The following ZBTB16 variants were observed in gnomAD, a reference collection of about 807,000 sequenced individuals.
ZBTB16 encodes the protein zinc finger and BTB domain-containing protein 16.
A neutral mutation model predicts 56.8 loss-of-function variants in ZBTB16; 8 were observed. The ratio of observed to expected loss-of-function variants is 0.14; its 90% confidence interval spans 0.08 to 0.25. ZBTB16 has a LOEUF of 0.25. Ranked by LOEUF, ZBTB16 falls within the 10% of genes least tolerant of loss-of-function variation. The pLI is 1.00. For synonymous variants in ZBTB16, 363 were observed against 368.5 expected (o/e 0.98, Z 0.17); for missense variants, 625 against 903.0 (o/e 0.69, Z 3.95).
intron 2 of ZBTB16, among the ~76,000 whole-genome samples, chr11:114,136,745 T>TTGAGAATA (rs1591703695): frequency 6.6e-6 from 1 of 152,288 alleles, no homozygotes; most frequent in East Asian, 1.9e-4. Flanking sequence ...GTCACAGAAC[T>TTGAGAATA]TGAGAATATT....
intron 2 of ZBTB16, among the ~76,000 whole-genome samples, chr11:114,120,837 G>A (rs1444151890): frequency 2.0e-5 from 3 of 152,170 alleles, no homozygotes; most frequent in African/African-American, 4.8e-5. Context: ...GTAGAAGAAA[G>A]GGGAAGGAGA....
chr11:114,156,496 C>A, intron 3 of ZBTB16, 62 bp downstream of exon 3: 1 of 1,515,428 alleles, frequency 6.6e-7, no homozygotes, highest in Admixed American at 1.7e-5. Context: ...CTTGCCTTTA[C>A]CCCTCCTCAG....
At chr11:114,214,481 A>G (rs1944056654) in intron 4 of ZBTB16, among the ~76,000 whole-genome samples, 1 of 152,248 alleles carries the variant, frequency 6.6e-6, no homozygotes. Context: ...ATTAACTCTC[A>G]CAGCAGCCCT....
At chr11:114,083,002 C>T (rs745360132) in intron 2 of ZBTB16, among the ~76,000 whole-genome samples, 7 of 152,286 alleles carry the variant, frequency 4.6e-5, no homozygotes, top group Admixed American at 1.3e-4. Context: ...CGTTGTGTAA[C>T]GAGGGGCATG....
At chr11:114,147,280 C>A (rs1287706303) in intron 2 of ZBTB16, among the ~76,000 whole-genome samples, 1 of 152,308 alleles carries the variant, frequency 6.6e-6, no homozygotes, top group East Asian at 1.9e-4. Flanking sequence ...CATTGTGTCT[C>A]CCTGGCTAGA....
chr11:114,209,951 G>A (rs1419529801), intron 4 of ZBTB16: 1 of 985,404 alleles, frequency 1.0e-6, no homozygotes. Context: ...GAAATTTCTA[G>A]CCCTGGTGCT....
intron 4 of ZBTB16, among the ~76,000 whole-genome samples, chr11:114,203,377 G>A (rs1176555455): frequency 1.3e-5 from 2 of 152,150 alleles, no homozygotes; most frequent in South Asian, 2.1e-4. Context: ...GATAGTGGTG[G>A]TGATGGTATT....
intron 2 of ZBTB16, among the ~76,000 whole-genome samples, chr11:114,091,771 C>G (rs1009305603): frequency 6.6e-6 from 1 of 152,130 alleles, no homozygotes; most frequent in Non-Finnish European, 1.5e-5. Context: ...GCCCACTCCC[C>G]TTCCCCTTGT....
At chr11:114,066,863 C>T (rs1418518472) in intron 2 of ZBTB16, among the ~76,000 whole-genome samples, 3 of 151,150 alleles carry the variant, frequency 2.0e-5, no homozygotes, top group Admixed American at 6.6e-5. Flanking sequence ...CTCCACCTCC[C>T]GGGTTCAAGC....
chr11:114,139,405 C>T (rs1176248081), intron 2 of ZBTB16, among the ~76,000 whole-genome samples: 1 of 152,154 alleles, frequency 6.6e-6, no homozygotes, highest in Non-Finnish European at 1.5e-5. Flanking sequence ...CAGTTTGTTC[C>T]GTGTGATCAT....
At chr11:114,196,410 A>G (rs1317825447) in intron 4 of ZBTB16, among the ~76,000 whole-genome samples, 1 of 152,262 alleles carries the variant, frequency 6.6e-6, no homozygotes, top group Non-Finnish European at 1.5e-5. Flanking sequence ...AGGCAAGGTC[A>G]TTCCTAGGTT....
chr11:114,177,631 T>C (rs1826310229), intron 3 of ZBTB16, among the ~76,000 whole-genome samples: 1 of 152,094 alleles, frequency 6.6e-6, no homozygotes, highest in African/African-American at 2.4e-5. Context: ...GAAGGAAGTC[T>C]GGTTCATCAC....
chr11:114,106,741 C>T (rs569857546), intron 2 of ZBTB16, among the ~76,000 whole-genome samples: 3 of 152,058 alleles, frequency 2.0e-5, no homozygotes, highest in African/African-American at 4.8e-5. Flanking sequence ...CCCAAAGTGC[C>T]GGGGTTACAG....
At chr11:114,105,245 T>TC (rs370709342) in intron 2 of ZBTB16, among the ~76,000 whole-genome samples, 30 of 117,802 alleles carry the variant, frequency 2.5e-4, no homozygotes, top group African/African-American at 1.2e-3. Context: ...TCTCTCTCTC[T>TC]TTTTTTTTTT....
intron 4 of ZBTB16, among the ~76,000 whole-genome samples, chr11:114,225,252 G>A (rs1461084325): frequency 6.6e-6 from 1 of 152,096 alleles, no homozygotes; most frequent in African/African-American, 2.4e-5. Context: ...TTTAAAAGGT[G>A]GGAATGAGGT....
At chr11:114,235,921 A>G (rs1005296048) in intron 4 of ZBTB16, among the ~76,000 whole-genome samples, 1 of 151,574 alleles carries the variant, frequency 6.6e-6, no homozygotes, top group Non-Finnish European at 1.5e-5. Flanking sequence ...TGGAGATAGA[A>G]TTGATGCAAA....
chr11:114,160,458 C>T (rs1472742012), intron 3 of ZBTB16, among the ~76,000 whole-genome samples: 1 of 152,118 alleles, frequency 6.6e-6, no homozygotes, highest in African/African-American at 2.4e-5. Flanking sequence ...CCCTATCACG[C>T]GAAATCAGCC....
intron 4 of ZBTB16, chr11:114,210,607 T>C (rs1018833644): frequency 4.4e-6 from 1 of 228,080 alleles, no homozygotes; most frequent in African/African-American, 2.2e-5. Context: ...TCAAAATTAT[T>C]TACCAAGAGC....
At chr11:114,065,494 G>C (rs533910720) in intron 2 of ZBTB16, among the ~76,000 whole-genome samples, 1 of 152,000 alleles carries the variant, frequency 6.6e-6, no homozygotes, top group South Asian at 2.1e-4. Flanking sequence ...TCTGCTCACC[G>C]CAACCTCTGC....
Sources: gnomAD v4.1 joint callset for allele counts (sites outside exome capture counted in the v4.1 genomes callset) on GRCh38, gnomAD v4.1.1 for gene constraint, MANE v1.5 for transcripts, NCBI Gene and HGNC (gene_info 2026-07-23, HGNC 2026-07-21) for gene names.